Variants in MTMR3 observed in about 807,000 individuals in gnomAD.
The protein encoded by MTMR3 is phosphatidylinositol-3,5-bisphosphate 3-phosphatase MTMR3.
A neutral mutation model predicts 132.4 loss-of-function variants in MTMR3; 32 were observed. The observed-to-expected ratio is 0.24, with a 90% CI of 0.18 to 0.32. The LOEUF (loss-of-function observed/expected upper bound fraction) is 0.32. MTMR3 is among the 10% of genes least tolerant of loss of function. The pLI is 1.00. For missense variants in MTMR3, 1,216 were observed against 1,489.6 expected, an observed-to-expected ratio of 0.82 and a Z score of 3.02; for synonymous variants, 556 against 550.3, an observed-to-expected ratio of 1.01 and a Z score of -0.14.
intron 1 of MTMR3, among the ~76,000 whole-genome samples, chr22:29,908,987 T>TTTTCTTTTC (rs1191663863): frequency 0.015 from 2,218 of 151,028 alleles, 66 homozygotes; most frequent in African/African-American, 0.052. Flanking sequence ...CTTTTCTTTT[T>TTTTCTTTTC]TTTTTTTTGA....
chr22:29,905,932 G>C (rs2065084927), intron 1 of MTMR3, among the ~76,000 whole-genome samples: 1 of 152,094 alleles, frequency 6.6e-6, no homozygotes, highest in Non-Finnish European at 1.5e-5. Flanking sequence ...TTTTTTCAAA[G>C]TCATTATATA....
rs1441424169 is a variant in MTMR3, at chr22:30,020,026, G to A, written c.2367G>A (p.Leu789=). Residue 789 remains leucine, a synonymous_variant, in exon 17 of 20, where the codon CTG becomes CTA. Coordinates refer to ENST00000401950, the MANE Select transcript of MTMR3 (RefSeq NM_021090.4). ...LQVPPRGEDS[L]EVPVEQFRIE... ...TCCCCCCCAGGGGAGAGGATTCCCT[G>A]GAGGTCCCTGTGGAGCAGTTTCGAA... 7 of 1,614,078 alleles carry A rather than the reference G, an allele frequency of 4.3e-6. No homozygotes were observed. In the Admixed American group the frequency reaches 1.2e-4, roughly 27 times the overall value.
chr22:29,923,202 C>T (rs1223474057), intron 1 of MTMR3, among the ~76,000 whole-genome samples: 1 of 151,654 alleles, frequency 6.6e-6, no homozygotes, highest in Non-Finnish European at 1.5e-5. Flanking sequence ...TCACCACTCC[C>T]AGCTAATTTT....
intron 1 of MTMR3, among the ~76,000 whole-genome samples, chr22:29,914,073 A>G (rs2065265120): frequency 6.6e-6 from 1 of 152,038 alleles, no homozygotes; most frequent in South Asian, 2.1e-4. Context: ...TTACGAATAA[A>G]TCTCCTCTGA....
At chr22:29,894,743 A>G (rs1333847763) in intron 1 of MTMR3, among the ~76,000 whole-genome samples, 4 of 152,068 alleles carry the variant, frequency 2.6e-5, no homozygotes, top group African/African-American at 9.7e-5. Flanking sequence ...TTTTAGGAAG[A>G]GCTGTGTCAC....
chr22:29,889,580 C>T (rs184800634), intron 1 of MTMR3, among the ~76,000 whole-genome samples: 4 of 152,006 alleles, frequency 2.6e-5, no homozygotes, highest in Admixed American at 6.5e-5. Context: ...AGCCACTGCA[C>T]CTGGCCCAGA....
intron 1 of MTMR3, among the ~76,000 whole-genome samples, chr22:29,885,174 G>A (rs75932005): frequency 6.6e-6 from 1 of 152,148 alleles, no homozygotes; most frequent in Non-Finnish European, 1.5e-5. Context: ...GCAGGACCTG[G>A]TGAATTAAAA....
intron 1 of MTMR3, among the ~76,000 whole-genome samples, chr22:29,891,309 G>A (rs951721596): frequency 8.9e-5 from 10 of 112,952 alleles, no homozygotes; most frequent in Non-Finnish European, 1.3e-4. Context: ...ATGCGTGTGC[G>A]TGTGTGTATG....
intron 1 of MTMR3, among the ~76,000 whole-genome samples, chr22:29,954,319 G>A (rs188939869): frequency 1.6e-4 from 25 of 151,796 alleles, no homozygotes; most frequent in African/African-American, 5.8e-4. Context: ...GTATAGGCTG[G>A]TCTCAAGCAG....
chr22:29,951,273 T>G (rs1003187157), intron 1 of MTMR3, among the ~76,000 whole-genome samples: 17 of 152,206 alleles, frequency 1.1e-4, no homozygotes, highest in Non-Finnish European at 2.4e-4. Flanking sequence ...AGATTGTATG[T>G]GATCTTTGGT....
chr22:29,991,461 A>C, intron 6 of MTMR3, 43 bp from the exon 7 acceptor site: 2 of 1,534,154 alleles, frequency 1.3e-6, no homozygotes, highest in Non-Finnish European at 1.8e-6. Context: ...TTTCATTTCA[A>C]CTGTCTTCTG....
At chr22:29,947,193 T>A (rs374469611) in intron 1 of MTMR3, among the ~76,000 whole-genome samples, 1 of 152,220 alleles carries the variant, frequency 6.6e-6, no homozygotes, top group Non-Finnish European at 1.5e-5. Flanking sequence ...CTTTCTCCTC[T>A]TTCCGACATA....
chr22:29,885,592 A>G (rs2064658296), intron 1 of MTMR3, among the ~76,000 whole-genome samples: 1 of 152,204 alleles, frequency 6.6e-6, no homozygotes, highest in Non-Finnish European at 1.5e-5. Context: ...TGGCTCATAA[A>G]GGGGTCCACT....
At chr22:29,985,092 A>G (rs906645351) in intron 5 of MTMR3, 4 of 152,216 alleles carry the variant, frequency 2.6e-5, no homozygotes, top group African/African-American at 7.2e-5. Context: ...GATTGTTTTC[A>G]TATGTGAGGA....
intron 16 of MTMR3, 79 bp from the exon 17 acceptor site, chr22:30,019,399 CTG>C: frequency 7.5e-7 from 1 of 1,342,016 alleles, no homozygotes; most frequent in Admixed American, 2.2e-5. Context: ...TATGAAACAA[CTG>C]CTTGTTAAAA....
intron 1 of MTMR3, among the ~76,000 whole-genome samples, chr22:29,899,157 A>G (rs2145722438): frequency 6.6e-6 from 1 of 152,332 alleles, no homozygotes; most frequent in Non-Finnish European, 1.5e-5. Flanking sequence ...ACAAAGTTGT[A>G]TACATGCATT....
intron 1 of MTMR3, among the ~76,000 whole-genome samples, chr22:29,923,218 GTTTT>G (rs530826008): frequency 6.9e-6 from 1 of 144,720 alleles, no homozygotes; most frequent in Non-Finnish European, 1.5e-5. Flanking sequence ...ATTTTTTGTA[GTTTT>G]TTTTTTTATT....
At chr22:29,945,969 G>T (rs2065944612) in intron 1 of MTMR3, among the ~76,000 whole-genome samples, 1 of 152,030 alleles carries the variant, frequency 6.6e-6, no homozygotes, top group South Asian at 2.1e-4. Flanking sequence ...GATTTGACCA[G>T]AGTAGTTATG....
At chr22:29,938,306 CTT>C (rs1479047788) in intron 1 of MTMR3, among the ~76,000 whole-genome samples, 1 of 152,224 alleles carries the variant, frequency 6.6e-6, no homozygotes, top group Non-Finnish European at 1.5e-5. Context: ...ACAACCTTCT[CTT>C]GAGTATACCC....
Sources: allele counts gnomAD v4.1 joint callset (sites outside exome capture counted in the v4.1 genomes callset), GRCh38; gene constraint gnomAD v4.1.1; transcripts MANE v1.5; gene names NCBI Gene and HGNC (gene_info 2026-07-23, HGNC 2026-07-21).